Variants in IFIH1 observed in about 807,000 individuals in gnomAD.
The protein encoded by IFIH1 is interferon induced with helicase C domain 1, also known as interferon-induced helicase C domain-containing protein 1.
In IFIH1, 125 loss-of-function variants were observed where a neutral mutation model predicts 107.4. The observed-to-expected ratio is 1.16, with a 90% CI of 1.01 to 1.35. The LOEUF (loss-of-function observed/expected upper bound fraction) is 1.35, where lower values mean the gene tolerates loss of function less well. IFIH1 is among the 40% of genes most tolerant of loss of function. The probability of loss-of-function intolerance (pLI) is 0.00; values close to 1 mark genes in which losing one functional copy is unlikely to be tolerated. For synonymous variants in IFIH1, 458 were observed against 413.2 expected (o/e 1.11, Z -1.31); for missense variants, 1,333 against 1,213.7 (o/e 1.10, Z -1.46).
At chr2:162,286,902 T>C (rs1382601520) in intron 5 of IFIH1, among the ~76,000 whole-genome samples, 2 of 151,992 alleles carry the variant, frequency 1.3e-5, no homozygotes, top group African/African-American at 2.4e-5. Flanking sequence ...GTAGTTATTA[T>C]TTTGTTCATT....
chr2:162,282,934 GA>G (rs1294175456), intron 5 of IFIH1, among the ~76,000 whole-genome samples: 3 of 149,760 alleles, frequency 2.0e-5, no homozygotes, highest in Non-Finnish European at 3.0e-5. Context: ...GTTAAGAGAA[GA>G]AGCAACTGAC....
intron 2 of IFIH1, among the ~76,000 whole-genome samples, chr2:162,309,268 G>A (rs1179530708): frequency 6.6e-6 from 1 of 152,160 alleles, no homozygotes; most frequent in Non-Finnish European, 1.5e-5. Context: ...CATCCACACA[G>A]CTTTCTGTGA....
chr2:162,311,729 G>A (rs1018120434), intron 1 of IFIH1, among the ~76,000 whole-genome samples: 2 of 152,100 alleles, frequency 1.3e-5, no homozygotes, highest in Admixed American at 6.6e-5. Flanking sequence ...AGTAACTCAA[G>A]CCATGTTTAG....
chr2:162,298,907 C>T (rs1683144643), intron 3 of IFIH1, among the ~76,000 whole-genome samples: 1 of 152,020 alleles, frequency 6.6e-6, no homozygotes, highest in Non-Finnish European at 1.5e-5. Context: ...TGCATATTCT[C>T]TCCTGGATCC....
intron 10 of IFIH1, 26 bp downstream of exon 10, chr2:162,277,389 C>A: frequency 1.3e-6 from 2 of 1,512,392 alleles, no homozygotes; most frequent in Non-Finnish European, 1.8e-6. Flanking sequence ...ATGAATGACA[C>A]CAGTATATGT....
intron 11 of IFIH1, among the ~76,000 whole-genome samples, chr2:162,274,943 G>A (rs1337424244): frequency 6.6e-6 from 1 of 152,142 alleles, no homozygotes; most frequent in Non-Finnish European, 1.5e-5. Flanking sequence ...AACTGTCGGA[G>A]AACCCTGTAG....
At chr2:162,288,506 G>A (rs559684176) in intron 4 of IFIH1, 151 bp from the exon 5 acceptor site, 10 of 619,546 alleles carry the variant, frequency 1.6e-5, no homozygotes, top group Non-Finnish European at 2.8e-5. Flanking sequence ...ACCAATTAAT[G>A]TCTGCTCTCT....
chr2:162,290,727 T>A (rs2105211896), intron 4 of IFIH1, among the ~76,000 whole-genome samples: 1 of 152,032 alleles, frequency 6.6e-6, no homozygotes, highest in Admixed American at 6.6e-5. Flanking sequence ...CTAGGAGATT[T>A]GATAGGTGGC....
At chr2:162,278,735 A>G (rs79953564) in intron 8 of IFIH1, among the ~76,000 whole-genome samples, 3,056 of 152,258 alleles carry the variant, frequency 0.02, 110 homozygotes, top group African/African-American at 0.071. Context: ...ACCAAAATAA[A>G]AAGTTGAAGT....
chr2:162,317,884 C>A lies in IFIH1; in HGVS notation c.424G>T (p.Glu142Ter). ...TTTCTGTCTTCAATTGTCAACAGTT[C>A]CTCCTCCATGCACTTATCCAAGACG... ...RDVLDKCMEE[E>*]LLTIEDRNRI... The change falls in exon 1 of 16, where the codon GAA (glutamate) becomes TAA (stop). Residue 142 changes from glutamate (E) to a stop codon, truncating the protein, a stop_gained. Coordinates refer to ENST00000649979, the MANE Select transcript of IFIH1 (RefSeq NM_022168.4). LOFTEE classifies it high-confidence loss of function. The A allele has an allele frequency of 6.3e-7, 1 of 1,599,502 alleles. No individual in the cohort carries two copies.
intron 7 of IFIH1, 24 bp downstream of exon 7, chr2:162,281,304 G>A (rs371427355): frequency 3.2e-6 from 5 of 1,582,244 alleles, no homozygotes; most frequent in Non-Finnish European, 4.3e-6. Context: ...GCTTTCATTG[G>A]TTATACATAA....
rs74162089 is a variant in IFIH1, at chr2:162,267,332, G to A, written c.2946C>T (p.Leu982=). Residue 982 remains leucine (L), a synonymous_variant, in exon 16 of 16, where the codon CTC becomes CTT. Transcript: ENST00000649979. The stretch of plus-strand genomic sequence containing the variant: ...AAACCACTACAAAATTCCTTATTTT[G>A]AGACAAGGCAAATCTAAGCCTTTGT... ...MVHKGLDLPC[L]KIRNFVVVFK... The A allele has an allele frequency of 1.3e-3, 2,095 of 1,612,746 alleles. 8 individuals are homozygous for A. The Middle Eastern group carries it at 0.015, about 11-fold the overall frequency.
In IFIH1 at chr2:162,267,192, AT is replaced by A. The variant is rs760571400; in HGVS notation, c.*7del. Reference sequence around the variant, plus strand: ...TGATAGTATTTTAAAAGAATCTTCAATCAAGTGCTAATCCTCATCACTAAAT... The same window carrying A: ...TGATAGTATTTTAAAAGAATCTTCAACAAGTGCTAATCCTCATCACTAAAT... On this transcript the variant is annotated 3_prime_UTR_variant, in exon 16 of 16. Coordinates refer to ENST00000649979, the MANE Select transcript of IFIH1 (RefSeq NM_022168.4). 2.1e-5 allele frequency: 32 copies of A among 1,552,112 alleles called. No individual in the cohort carries two copies. Among genetic ancestry groups the A allele is most frequent in the Non-Finnish European group, 2.8e-5 (32 of 1,150,650 alleles).
intron 3 of IFIH1, among the ~76,000 whole-genome samples, chr2:162,304,092 C>CA (rs1192029984): frequency 4.6e-5 from 7 of 151,764 alleles, no homozygotes; most frequent in East Asian, 1.9e-4. Flanking sequence ...ACAACAACAA[C>CA]AAAAAAAACT....
chr2:162,317,990 C>T lies in IFIH1; in HGVS notation c.318G>A (p.Ser106=), dbSNP rs1279870464. Residue 106 remains serine (S), a synonymous_variant, in exon 1 of 16, where the codon TCG becomes TCA. Coordinates refer to ENST00000649979, the MANE Select transcript of IFIH1 (RefSeq NM_022168.4). ...GATATTCATCATGAGCGTTCTCAAA[C>T]GATGGAGAGGGCAAGTCCGTGAGCT... The part of the protein sequence containing the change: ...NPELTDLPSP[S]FENAHDEYLQ... 1.2e-6 allele frequency: 2 copies of T among 1,614,056 alleles called. No individual in the cohort carries two copies. The highest frequency in any genetic ancestry group is 1.7e-6 in the Non-Finnish European group (2 of 1,180,046).
chr2:162,285,052 G>A (rs746540138), intron 5 of IFIH1, among the ~76,000 whole-genome samples: 1 of 152,004 alleles, frequency 6.6e-6, no homozygotes, highest in Non-Finnish European at 1.5e-5. Context: ...AGGACACAGA[G>A]AAAGCCAGAT....
chr2:162,295,809 C>T (rs968945597), intron 3 of IFIH1, among the ~76,000 whole-genome samples: 8 of 151,746 alleles, frequency 5.3e-5, no homozygotes, highest in African/African-American at 1.7e-4. Flanking sequence ...AGTAGAAGAG[C>T]GTTTTGGGCA....
rs1422616369 is a variant in IFIH1 at position 162,301,513 on chromosome 2, T to C, written c.769+5196A>G. Among the ~76,000 whole-genome samples, 10 of 152,342 alleles carry C rather than the reference T, an allele frequency of 6.6e-5. 1 individual carries two copies. In the South Asian group the frequency reaches 1.9e-3, roughly 28 times the overall value. On this transcript the variant is annotated intron_variant, in intron 3 of 15. Coordinates refer to ENST00000649979, the MANE Select transcript of IFIH1 (RefSeq NM_022168.4). ...TTATACCAAATGCAATAAAGTTGACTTAGTTTTAAATGTCACTTAATTTCC... is the reference window on the plus strand; with the variant it reads ...TTATACCAAATGCAATAAAGTTGACCTAGTTTTAAATGTCACTTAATTTCC...
chr2:162,270,312 T>A (rs1691010984), intron 13 of IFIH1, among the ~76,000 whole-genome samples: 1 of 152,248 alleles, frequency 6.6e-6, no homozygotes, highest in African/African-American at 2.4e-5. Context: ...TAAGAAGCTC[T>A]GTTATGTTTA....
Sources: gnomAD v4.1 joint callset for allele counts (sites outside exome capture counted in the v4.1 genomes callset) on GRCh38, gnomAD v4.1.1 for gene constraint, MANE v1.5 for transcripts, NCBI Gene and HGNC (gene_info 2026-07-23, HGNC 2026-07-21) for gene names.